RBFOX1: variants seen among roughly 807,000 people sequenced by gnomAD.
RBFOX1 encodes the protein RNA binding protein fox-1 homolog 1.
Under a neutral mutation model 57.7 loss-of-function variants are expected in RBFOX1, and 8 were observed. The observed-to-expected ratio is 0.14, with a 90% CI of 0.08 to 0.25. The LOEUF (loss-of-function observed/expected upper bound fraction) is 0.25. RBFOX1 is among the 10% of genes least tolerant of loss of function. The pLI is 1.00. For synonymous variants in RBFOX1, 326 were observed against 222.4 expected, an observed-to-expected ratio of 1.47 and a Z score of -4.15; for missense variants, 611 against 548.5, an observed-to-expected ratio of 1.11 and a Z score of -1.14.
Position 6,020,086 on chromosome 16 carries a change from A to C in RBFOX1, c.-127+94A>C, listed in dbSNP as rs2095037516. ...TGGAGGGAAGCGCTAGGTCCCCGAG[A>C]ACTGGCCTCCTCCTAGCGCCAGTCT... On this transcript the variant is annotated intron_variant, in intron 1 of 15. Transcript: ENST00000550418. 21 of 1,303,544 alleles carry C rather than the reference A, an allele frequency of 1.6e-5. No individual in the cohort carries two copies. The South Asian group carries it at 4.1e-4, about 25-fold the overall frequency. The allele number at this position is 1,303,544 out of a possible 1,614,324, so 80.7% of individuals were successfully genotyped here.
intron 2 of RBFOX1, among the ~76,000 whole-genome samples, chr16:5,537,983 C>G (rs896284137): frequency 6.6e-6 from 1 of 152,066 alleles, no homozygotes; most frequent in Non-Finnish European, 1.5e-5. Flanking sequence ...GGTGTGACTC[C>G]CAGATAATAA....
At chr16:6,880,389 C>G (rs189608877) in intron 3 of RBFOX1, among the ~76,000 whole-genome samples, 1 of 152,160 alleles carries the variant, frequency 6.6e-6, no homozygotes, top group African/African-American at 2.4e-5. Flanking sequence ...CACTGCAACC[C>G]ACCGCCCTGT....
chr16:5,765,770 A>G (rs577489222), intron 3 of RBFOX1, among the ~76,000 whole-genome samples: 12 of 152,296 alleles, frequency 7.9e-5, no homozygotes, highest in Admixed American at 4.6e-4. Flanking sequence ...CAGCCTTTGG[A>G]TATGGGCTCT....
chr16:6,170,758 C>G (rs2096954302), intron 1 of RBFOX1, among the ~76,000 whole-genome samples: 1 of 152,150 alleles, frequency 6.6e-6, no homozygotes, highest in Non-Finnish European at 1.5e-5. Context: ...CCTCTATCCT[C>G]AAGCAGGCCC....
intron 3 of RBFOX1, among the ~76,000 whole-genome samples, chr16:5,660,547 C>G (rs537098035): frequency 1.3e-5 from 2 of 152,158 alleles, no homozygotes; most frequent in South Asian, 4.1e-4. Flanking sequence ...AGGTGCTATT[C>G]TGATTGGGTG....
At chr16:7,709,892 T>G in intron 15 of RBFOX1, 2 of 1,074,136 alleles carry the variant, frequency 1.9e-6, no homozygotes, top group Non-Finnish European at 2.3e-6. Flanking sequence ...TACAAAGCTT[T>G]GGCATGCAGT....
intron 3 of RBFOX1, among the ~76,000 whole-genome samples, chr16:6,944,535 G>A (rs146316619): frequency 2.6e-5 from 4 of 152,124 alleles, no homozygotes; most frequent in Non-Finnish European, 4.4e-5. Flanking sequence ...AAGTGGTCAC[G>A]ATCTGGTATA....
At chr16:6,275,158 G>T (rs898963565) in intron 1 of RBFOX1, among the ~76,000 whole-genome samples, 2 of 151,976 alleles carry the variant, frequency 1.3e-5, no homozygotes, top group Middle Eastern at 3.2e-3. Context: ...TGCAAAGTTA[G>T]TATATAGCTG....
At chr16:5,529,454 T>A (rs908420092) in intron 2 of RBFOX1, among the ~76,000 whole-genome samples, 1 of 150,744 alleles carries the variant, frequency 6.6e-6, no homozygotes, top group Non-Finnish European at 1.5e-5. Context: ...TGGAGTGCAG[T>A]GGCATGATCT....
At chr16:7,054,222 G>T (rs997896268) in intron 4 of RBFOX1, among the ~76,000 whole-genome samples, 1 of 101,560 alleles carries the variant, frequency 9.8e-6, no homozygotes, top group Non-Finnish European at 1.9e-5. Flanking sequence ...TCGGGGGGGG[G>T]GGGCGGGGAG....
intron 5 of RBFOX1, among the ~76,000 whole-genome samples, chr16:7,564,499 C>T (rs1304589641): frequency 6.9e-6 from 1 of 145,634 alleles, no homozygotes. Flanking sequence ...CGAGATTGCA[C>T]CTCTGCACTC....
intron 4 of RBFOX1, among the ~76,000 whole-genome samples, chr16:7,382,367 CT>C (rs34161168): frequency 1.0e-3 from 159 of 152,294 alleles, no homozygotes; most frequent in Non-Finnish European, 1.9e-3. Context: ...TGACTTTAAG[CT>C]GCTCTGGAAT....
intron 4 of RBFOX1, among the ~76,000 whole-genome samples, chr16:6,011,947 A>G (rs931973081): frequency 1.7e-4 from 26 of 152,202 alleles, no homozygotes; most frequent in African/African-American, 6.3e-4. Context: ...AATATTTGTA[A>G]GGTGGCATCG....
At chr16:6,456,927 T>A (rs1487235548) in intron 2 of RBFOX1, among the ~76,000 whole-genome samples, 1 of 152,172 alleles carries the variant, frequency 6.6e-6, no homozygotes, top group Non-Finnish European at 1.5e-5. Flanking sequence ...GAGAAGATGA[T>A]GTATTAACTT....
At chr16:5,707,980 A>T (rs1351166570) in intron 3 of RBFOX1, among the ~76,000 whole-genome samples, 1 of 152,204 alleles carries the variant, frequency 6.6e-6, no homozygotes, top group African/African-American at 2.4e-5. Context: ...TACTCATCTC[A>T]GGTGAAATTT....
intron 2 of RBFOX1, among the ~76,000 whole-genome samples, chr16:5,506,275 T>A (rs1369053635): frequency 6.6e-6 from 1 of 152,208 alleles, no homozygotes. Context: ...CCAGCCACAT[T>A]TGCGAGAATA....
intron 1 of RBFOX1, among the ~76,000 whole-genome samples, chr16:6,176,969 T>C (rs2097016100): frequency 6.6e-6 from 1 of 152,214 alleles, no homozygotes; most frequent in Non-Finnish European, 1.5e-5. Context: ...TCTTGGTTGT[T>C]GGCGTTGAAT....
At position 6,987,855 on chromosome 16, in the gene RBFOX1, G is replaced by A. The variant is rs2153604328; in HGVS notation, c.-15-64202G>A. On this transcript the variant is annotated intron_variant, in intron 3 of 15. Transcript: ENST00000550418. ...GATTAGAAATCCAGGTTTATTGGGA[G>A]GGCATCTCAAAGCAGCCACATTTTA... is the stretch of plus-strand genomic sequence containing the variant. 1.3e-5 allele frequency among the ~76,000 whole-genome samples: 2 copies of A among 152,242 alleles called. 1 individual carries two copies. The highest frequency in any genetic ancestry group is 1.3e-4 in the Admixed American group (2 of 15,292).
chr16:7,206,219 A>G (rs2089935020), intron 4 of RBFOX1, among the ~76,000 whole-genome samples: 1 of 152,152 alleles, frequency 6.6e-6, no homozygotes, highest in Non-Finnish European at 1.5e-5. Flanking sequence ...CAGTAGGTAA[A>G]GTGGATTTAC....
Sources: allele counts gnomAD v4.1 joint callset (sites outside exome capture counted in the v4.1 genomes callset), GRCh38; gene constraint gnomAD v4.1.1; transcripts MANE v1.5; gene names NCBI Gene and HGNC (gene_info 2026-07-23, HGNC 2026-07-21).